The following KRT38 variants were observed in gnomAD, a reference collection of about 807,000 sequenced individuals.
KRT38 encodes keratin 38.
Under a neutral mutation model 43.1 loss-of-function variants are expected in KRT38, and 45 were observed. The ratio of observed to expected loss-of-function variants is 1.04; its 90% CI spans 0.82 to 1.34. The LOEUF (loss-of-function observed/expected upper bound fraction) is 1.34, where lower values mean the gene tolerates loss of function less well. Among genes scored for constraint, KRT38 ranks in the 40% most tolerant of loss-of-function variants. The pLI is 0.00. For synonymous variants in KRT38, 258 were observed against 244.0 expected, an observed-to-expected ratio of 1.06 and a Z score of -0.53; for missense variants, 627 against 586.2, an observed-to-expected ratio of 1.07 and a Z score of -0.72.
At position 41,438,587 on chromosome 17, in the gene KRT38, G is replaced by A. The variant is rs755920585; in HGVS notation, c.924C>T (p.Ser308=). 1.2e-6 allele frequency: 2 copies of A among 1,614,190 alleles called. No homozygotes were observed. The highest frequency in any genetic ancestry group is 4.5e-5 in the East Asian group (2 of 44,868). The change falls in exon 5 of 7, where the codon TCC becomes TCT. Residue 308 remains serine, a synonymous_variant. Transcript: ENST00000246646. Reference sequence around the variant, plus strand: ...GGCAGCACTGCAGCTCCTCGGAGCAGGACATGTCCTGCAGGCTGATGCCTT... The same window carrying A: ...GGCAGCACTGCAGCTCCTCGGAGCAAGACATGTCCTGCAGGCTGATGCCTT... ...QSEGISLQDM[S]CSEELQCCQS...
At chr17:41,438,985 T>G in intron 3 of KRT38, 127 bp from the exon 4 acceptor site, 1 of 1,342,940 alleles carries the variant, frequency 7.4e-7, no homozygotes, top group Non-Finnish European at 1.0e-6. Context: ...AATGGGAAAG[T>G]CTTGCCCAGA....
In KRT38 at chr17:41,437,289, TC is replaced by T; in HGVS notation, c.*122del. On this transcript the variant is annotated 3_prime_UTR_variant, in exon 7 of 7. Coordinates refer to ENST00000246646, the MANE Select transcript of KRT38 (RefSeq NM_006771.4). Reference sequence around the variant, plus strand: ...CATCAAGATTCCACTGTCCCTGGTATCTCATAGCCTTTGGACAGGCCTATAC... The same window carrying T: ...CATCAAGATTCCACTGTCCCTGGTATTCATAGCCTTTGGACAGGCCTATAC... The T allele has an allele frequency of 1.0e-6, 1 of 985,144 alleles. No homozygotes were observed. The highest frequency in any genetic ancestry group is 1.4e-6 in the Non-Finnish European group (1 of 734,752). The allele number at this position is 985,144 out of a possible 1,614,324, so 61.0% of individuals were successfully genotyped here.
rs1230510598 is a variant in KRT38 at position 41,439,298 on chromosome 17, G to C, written c.637C>G (p.Leu213Val). The C allele has an allele frequency of 1.2e-6, 2 of 1,614,206 alleles. No individual in the cohort carries two copies. Among genetic ancestry groups the C allele is most frequent in the Admixed American group, 3.3e-5 (2 of 60,036 alleles). The change falls in exon 3 of 7, where the codon CTC (leucine) becomes GTC (valine). Residue 213 changes from leucine (L) to valine (V), a missense_variant. Coordinates refer to ENST00000246646, the MANE Select transcript of KRT38 (RefSeq NM_006771.4). ...TTGGCCAGGGTCGCATCATCCAGGA[G>C]CTTCTGTGTCCCACACTTGTCTGCC... is the stretch of plus-strand genomic sequence containing the variant. ...VEADKCGTQK[L>V]LDDATLAKAD...
rs559903918 is a variant in KRT38 at position 41,439,690 on chromosome 17, A to G, written c.576-331T>C. Among the ~76,000 whole-genome samples the G allele has an allele frequency of 3.9e-5, 6 of 152,344 alleles. No homozygotes were observed. In the East Asian group the frequency reaches 1.2e-3, roughly 29 times the overall value. ...TTGCAGGGGCTGTCAGTTACCAAAG[A>G]TAAGCAATAACCAGGTGCCTGATCG... On this transcript the variant is annotated intron_variant, in intron 2 of 6. Transcript: ENST00000246646.
rs190835091 is a variant in KRT38 at position 41,440,227 on chromosome 17, G to A, written c.509C>T (p.Ala170Val). The A allele has an allele frequency of 2.5e-6, 4 of 1,614,182 alleles. No individual in the cohort carries two copies. In the East Asian group the frequency reaches 6.7e-5, roughly 27 times the overall value. The change falls in exon 2 of 7, where the codon GCC (alanine) becomes GTC (valine). Residue 170 changes from alanine (A) to valine (V), a missense_variant. Transcript: ENST00000246646. The part of the protein sequence containing the change: ...ELQQKILCSK[A>V]ENARLIVQID... ...TTGTACAATCAGCCTGGCATTCTCG[G>A]CCTTGCTGCACAGGATCTGAGGAGA...
intron 6 of KRT38, among the ~76,000 whole-genome samples, chr17:41,437,805 C>T (rs1244900860): frequency 1.3e-5 from 2 of 152,222 alleles, no homozygotes; most frequent in East Asian, 3.9e-4. Context: ...CAAAAATCTG[C>T]TGGATCTATG....
chr17:41,438,777 C>G lies in KRT38; in HGVS notation c.814G>C (p.Val272Leu), dbSNP rs371810333. Residue 272 changes from valine (V) to leucine (L), a missense_variant, in exon 4 of 7, where the codon GTG becomes CTG. Transcript: ENST00000246646. The stretch of plus-strand genomic sequence containing the variant: ...TACTGAGCCCGCATCTCCCCCAGCA[C>G]CCTGTTCAGGTCAATGGTGGGCTCA... The part of the protein sequence containing the change: ...DIEPTIDLNR[V>L]LGEMRAQYEA... The G allele has an allele frequency of 6.2e-7, 1 of 1,614,142 alleles. No homozygotes were observed. Among genetic ancestry groups the G allele is most frequent in the Admixed American group, 1.7e-5 (1 of 60,026 alleles).
In KRT38 at chr17:41,436,333, T is replaced by A. The variant is rs1422444053; in HGVS notation, c.*1079A>T. On this transcript the variant is annotated 3_prime_UTR_variant, in exon 7 of 7. Transcript: ENST00000246646. ...TAATGAGCAGGACAGAGTGCCAGGG[T>A]TGTGAGTCCTTTAGGCTGGTGGCCA... The A allele has an allele frequency of 6.6e-6, 1 of 152,174 alleles. No individual in the cohort carries two copies. Among genetic ancestry groups the A allele is most frequent in the Non-Finnish European group, 1.5e-5 (1 of 68,076 alleles). The allele number at this position is 152,174 out of a possible 1,614,324, so 9.4% of individuals were successfully genotyped here. A position where few individuals can be genotyped will look rare whatever the true frequency, so the allele number is the denominator to read the frequency against.
In KRT38 at chr17:41,437,446, G is replaced by A. The variant is rs774832023; in HGVS notation, c.1337C>T (p.Thr446Ile). The change falls in exon 7 of 7, where the codon ACC becomes ATC. Residue 446 changes from threonine (T) to isoleucine (I), a missense_variant. Physicochemically the swap from Thr to Ile is moderately conservative, Grantham distance 89. Coordinates refer to ENST00000246646, the MANE Select transcript of KRT38 (RefSeq NM_006771.4). The part of the protein sequence containing the change: ...SCGPCTTCGP[T>I]CGASTTGSRF ...GCTTCCGGTGGTGCTGGCTCCACAG[G>A]TGGGCCCACAGGTGGTGCAGGGGCC... The A allele has an allele frequency of 5.7e-6, 9 of 1,569,736 alleles. No individual in the cohort carries two copies. The highest frequency in any genetic ancestry group is 7.7e-6 in the Non-Finnish European group (9 of 1,163,178).
At chr17:41,438,400 G>A in intron 5 of KRT38, 87 bp from the exon 6 acceptor site, 4 of 1,606,566 alleles carry the variant, frequency 2.5e-6, no homozygotes, top group Non-Finnish European at 3.4e-6. Context: ...TAACAGGTGG[G>A]AGAAACTTGG....
At chr17:41,437,605 G>A (rs1433366724) in intron 6 of KRT38, 64 bp from the exon 7 acceptor site, 4 of 1,501,246 alleles carry the variant, frequency 2.7e-6, no homozygotes, top group African/African-American at 2.9e-5. Flanking sequence ...GTGCCATGTG[G>A]GGGCATGAGG....
In KRT38 at chr17:41,440,508, C is replaced by T; in HGVS notation, c.414G>A (p.Glu138=). Residue 138 remains glutamate (E), a synonymous_variant, in exon 1 of 7, where the codon GAG becomes GAA. Coordinates refer to ENST00000246646, the MANE Select transcript of KRT38 (RefSeq NM_006771.4). ...ENAELEATLL[E]RSKCHESTVC... is the part of the protein sequence containing the mutation. ...CGGTGGACTCGTGGCACTTGCTCCT[C>T]TCGAGGAGTGTGGCCTCCAGCTCCG... 1.9e-6 allele frequency: 3 copies of T among 1,614,252 alleles called. No individual in the cohort carries two copies. The highest frequency in any genetic ancestry group is 1.7e-6 in the Non-Finnish European group (2 of 1,180,052).
Position 41,438,315 on chromosome 17 carries a change from T to G in KRT38, c.1021-2A>C. 6.2e-7 allele frequency: 1 copy of G among 1,613,380 alleles called. No individual in the cohort carries two copies. Among genetic ancestry groups the G allele is most frequent in the South Asian group, 1.1e-5 (1 of 91,058 alleles). On this transcript the variant is annotated splice_acceptor_variant, in intron 5 of 6. Transcript: ENST00000246646. LOFTEE classifies it high-confidence loss of function. ...CAGGGAGTTCTGCAGACAGTCCTTC[T>G]GTAGTGGGAAATAAGGGGATAAAAT...
At position 41,436,166 on chromosome 17, in the gene KRT38, A is replaced by G. The variant is rs1226993644; in HGVS notation, c.*1246T>C. Among the ~76,000 whole-genome samples the G allele has an allele frequency of 6.6e-6, 1 of 152,204 alleles. No homozygotes were observed. Among genetic ancestry groups the G allele is most frequent in the African/African-American group, 2.4e-5 (1 of 41,446 alleles). On this transcript the variant is annotated 3_prime_UTR_variant, in exon 7 of 7. Coordinates refer to ENST00000246646, the MANE Select transcript of KRT38 (RefSeq NM_006771.4). Reference sequence around the variant, plus strand: ...AGGACTAGACGTGTTCGTTCTTTCAACAGATATTTATTAAGCATCTATTAT... The same window carrying G: ...AGGACTAGACGTGTTCGTTCTTTCAGCAGATATTTATTAAGCATCTATTAT...
intron 6 of KRT38, among the ~76,000 whole-genome samples, chr17:41,437,754 T>C (rs1269188400): frequency 2.6e-5 from 4 of 152,150 alleles, no homozygotes; most frequent in Admixed American, 2.6e-4. Flanking sequence ...TCCTATAGAA[T>C]AAAAATTCCT....
Position 41,440,372 on chromosome 17 carries a change from C to T in KRT38, c.492+58G>A, listed in dbSNP as rs149795929. On this transcript the variant is annotated intron_variant, in intron 1 of 6. Transcript: ENST00000246646. The stretch of plus-strand genomic sequence containing the variant: ...AGTTCTCTGAGCTTTACATGGATTC[C>T]TCCTGTCTTGCCTCTGCCATCTCAG... 47 of 1,599,962 alleles carry T rather than the reference C, an allele frequency of 2.9e-5. No individual in the cohort carries two copies. The East Asian group carries it at 1.1e-3, about 36-fold the overall frequency.
At chr17:41,439,425 T>C (rs1360093423) in intron 2 of KRT38, 66 bp from the exon 3 acceptor site, 1 of 1,559,816 alleles carries the variant, frequency 6.4e-7, no homozygotes, top group Non-Finnish European at 8.7e-7. Context: ...CTGCCCTGGC[T>C]TCCTACCTCC....
At chr17:41,439,010 G>A (rs2144419832) in intron 3 of KRT38, 152 bp from the exon 4 acceptor site, 2 of 1,252,512 alleles carry the variant, frequency 1.6e-6, no homozygotes, top group Non-Finnish European at 2.2e-6. Flanking sequence ...ATTCGGGAGA[G>A]CCCACCTGCA....
chr17:41,439,351 C>G lies in KRT38; in HGVS notation c.584G>C (p.Ser195Thr), dbSNP rs747702175. 4 of 1,613,910 alleles carry G rather than the reference C, an allele frequency of 2.5e-6. No individual in the cohort carries two copies. The South Asian group carries it at 3.3e-5, about 13-fold the overall frequency. Reference sequence around the variant, plus strand: ...CACCAGCTGGCGCAGGGAGCGCTCACTCTCCAGCCTTTCATCACAGGAGGT... The same window carrying G: ...CACCAGCTGGCGCAGGGAGCGCTCAGTCTCCAGCCTTTCATCACAGGAGGT... The part of the protein sequence containing the change: ...AADDFRIKLE[S>T]ERSLRQLVEA... The change falls in exon 3 of 7, where the codon AGT becomes ACT. Residue 195 changes from serine to threonine, a missense_variant. Transcript: ENST00000246646.
Sources: allele counts gnomAD v4.1 joint callset (sites outside exome capture counted in the v4.1 genomes callset), GRCh38; gene constraint gnomAD v4.1.1; transcripts MANE v1.5; gene names NCBI Gene and HGNC (gene_info 2026-07-23, HGNC 2026-07-21).